The following NR4A1 variants were observed in gnomAD, a reference collection of about 807,000 sequenced individuals.
NR4A1 encodes nuclear receptor subfamily 4 group A member 1, also known as nuclear receptor subfamily 4immunitygroup A member 1.
NR4A1 carries 24 observed loss-of-function variants against 47.5 expected under a neutral mutation model. That is an observed-to-expected ratio of 0.50 (90% CI 0.37 to 0.71). The LOEUF (loss-of-function observed/expected upper bound fraction) is 0.71. NR4A1 is among the 30% of genes least tolerant of loss of function. The probability of loss-of-function intolerance (pLI) is 0.00; values close to 1 mark genes in which losing one functional copy is unlikely to be tolerated. For missense variants in NR4A1, 669 were observed against 788.6 expected (o/e 0.85, Z 1.82); for synonymous variants, 353 against 345.7 (o/e 1.02, Z -0.24).
At position 52,052,499 on chromosome 12, in the gene NR4A1, G is replaced by A. The variant is rs938192157; in HGVS notation, c.-3+931G>A. 8.2e-5 allele frequency: 81 copies of A among 985,344 alleles called. No homozygotes were observed. The African/African-American group carries it at 1.4e-3, about 17-fold the overall frequency. The allele number at this position is 985,344 out of a possible 1,614,324, so 61.0% of individuals were successfully genotyped here. ...TAGTCTCTGTTGGATCTTACAGGTA[G>A]GGTGCAGCCTGAGGCTTGTTCAGCA... is the stretch of plus-strand genomic sequence containing the variant. On this transcript the variant is annotated intron_variant, in intron 1 of 6. Transcript: ENST00000394825.
In NR4A1 at chr12:52,055,012, G is replaced by A. The variant is rs570850379; in HGVS notation, c.684G>A (p.Thr228=). The change falls in exon 2 of 7, where the codon ACG becomes ACA. Residue 228 remains threonine, a synonymous_variant. Transcript: ENST00000394825. ...AGGGAGAGAGCTATTCCATGCCTAC[G>A]GCCTTCCCAGGTTTGGCACCCACTT... ...LGEGESYSMP[T]AFPGLAPTSP... is the part of the protein sequence containing the mutation. 4.3e-6 allele frequency: 7 copies of A among 1,614,186 alleles called. No individual in the cohort carries two copies. The highest frequency in any genetic ancestry group is 1.7e-4 in the Middle Eastern group (1 of 6,060).
In NR4A1 at chr12:52,054,700, G is replaced by A; in HGVS notation, c.372G>A (p.Leu124=). 6.2e-7 allele frequency: 1 copy of A among 1,613,794 alleles called. No individual in the cohort carries two copies. The highest frequency in any genetic ancestry group is 1.6e-4 in the Middle Eastern group (1 of 6,062). Reference sequence around the variant, plus strand: ...TGAGCGGCCCAGTGGATGAGGCCCTGTCCTCCAGTGGCTCTGACTACTATG... The same window carrying A: ...TGAGCGGCCCAGTGGATGAGGCCCTATCCTCCAGTGGCTCTGACTACTATG... The part of the protein sequence containing the change: ...GPLSGPVDEA[L]SSSGSDYYGS... The change falls in exon 2 of 7, where the codon CTG becomes CTA. Residue 124 remains leucine (L), a synonymous_variant. Transcript: ENST00000394825.
chr12:52,059,207 CAT>C lies in NR4A1; in HGVS notation c.*265_*266del, dbSNP rs1231020527. On this transcript the variant is annotated 3_prime_UTR_variant, in exon 7 of 7. Coordinates refer to ENST00000394825, the MANE Select transcript of NR4A1 (RefSeq NM_173157.3). ...TTTGTAAGATAAACCGTTTTTAACACATAGCGCCGTGCTGTAAATAAGCCCAG... is the reference window on the plus strand; with the variant it reads ...TTTGTAAGATAAACCGTTTTTAACACAGCGCCGTGCTGTAAATAAGCCCAG... 2 of 499,090 alleles carry C rather than the reference CAT, an allele frequency of 4.0e-6. No individual in the cohort carries two copies. Among genetic ancestry groups the C allele is most frequent in the Non-Finnish European group, 7.1e-6 (2 of 282,906 alleles). The allele number at this position is 499,090 out of a possible 1,614,324, so 30.9% of individuals were successfully genotyped here. A position where few individuals can be genotyped will look rare whatever the true frequency, so the allele number is the denominator to read the frequency against.
intron 2 of NR4A1, among the ~76,000 whole-genome samples, chr12:52,043,151 C>G (rs1310981515): frequency 6.6e-6 from 1 of 152,136 alleles, no homozygotes; most frequent in Non-Finnish European, 1.5e-5. Flanking sequence ...GCAGCAGGTG[C>G]TGTACCACCA....
At position 52,054,597 on chromosome 12, in the gene NR4A1, C is replaced by T. The variant is rs761942358; in HGVS notation, c.269C>T (p.Ser90Leu). The T allele has an allele frequency of 8.7e-6, 14 of 1,614,066 alleles. No individual in the cohort carries two copies. The highest frequency in any genetic ancestry group is 2.7e-5 in the African/African-American group (2 of 74,926). Residue 90 changes from serine (S) to leucine (L), a missense_variant, in exon 2 of 7, where the codon TCG (serine) becomes TTG (leucine). Physicochemically the swap from Ser to Leu is moderately radical, Grantham distance 145 (BLOSUM62 -2). Transcript: ENST00000394825. ...TCCTCCTCGGCCTCCTCCACATCCT[C>T]GTCCTCAGCCACCTCCCCTGCCTCT... The part of the protein sequence containing the change: ...SASSSASSTS[S>L]SSATSPASAS...
chr12:52,028,764 C>T (rs1339563063), intron 1 of NR4A1, among the ~76,000 whole-genome samples: 2 of 151,640 alleles, frequency 1.3e-5, no homozygotes, highest in South Asian at 2.1e-4. Flanking sequence ...ATTAGCTGGG[C>T]GTGGTGGTGG....
chr12:52,044,587 A>C (rs1417527108), intron 2 of NR4A1, among the ~76,000 whole-genome samples: 1 of 152,242 alleles, frequency 6.6e-6, no homozygotes, highest in Non-Finnish European at 1.5e-5. Flanking sequence ...TGAGTCTCTA[A>C]ACGAATCCAG....
At chr12:52,030,997 C>T (rs1263095507) in intron 1 of NR4A1, among the ~76,000 whole-genome samples, 1 of 152,006 alleles carries the variant, frequency 6.6e-6, no homozygotes, top group Non-Finnish European at 1.5e-5. Flanking sequence ...TTTCCCCTAA[C>T]TCTCCACCGA....
intron 1 of NR4A1, among the ~76,000 whole-genome samples, chr12:52,040,069 A>G (rs1213891688): frequency 6.6e-6 from 1 of 152,176 alleles, no homozygotes; most frequent in Non-Finnish European, 1.5e-5. Flanking sequence ...TGCTCTCTGC[A>G]CAGTGCAGAC....
chr12:52,035,910 T>C (rs998413305), intron 1 of NR4A1, among the ~76,000 whole-genome samples: 2 of 152,092 alleles, frequency 1.3e-5, no homozygotes, highest in African/African-American at 2.4e-5. Flanking sequence ...AGAGATTCTT[T>C]GCTGCGTGGG....
chr12:52,045,535 G>A (rs1019139086), intron 2 of NR4A1: 1 of 452,892 alleles, frequency 2.2e-6, no homozygotes, highest in African/African-American at 2.0e-5. Flanking sequence ...TTTGGATGTG[G>A]AGCCTCTCCT....
Position 52,056,604 on chromosome 12 carries a change from C to G in NR4A1, c.1117C>G (p.Leu373Val), listed in dbSNP as rs1033676108. 2.5e-6 allele frequency: 4 copies of G among 1,612,324 alleles called. No homozygotes were observed. In the South Asian group the frequency reaches 3.3e-5, roughly 13 times the overall value. Residue 373 changes from leucine to valine, a missense_variant, in exon 4 of 7, where the codon CTG becomes GTG. Coordinates refer to ENST00000394825, the MANE Select transcript of NR4A1 (RefSeq NM_173157.3). ...CCTCACTTCCCTGGTCCGTGCACAC[C>G]TGGACTCAGGGCCCAGCACTGCCAA... is the stretch of plus-strand genomic sequence containing the variant. Reference protein sequence around the residue: ...NLLTSLVRAHLDSGPSTAKLD... With the variant: ...NLLTSLVRAHVDSGPSTAKLD...
upstream of NR4A1, among the ~76,000 whole-genome samples, chr12:52,050,916 G>C (rs1938890539): frequency 6.6e-6 from 1 of 152,196 alleles, no homozygotes; most frequent in Non-Finnish European, 1.5e-5. Context: ...GAAGGGCTTG[G>C]GAAGGTGTAA....
upstream of NR4A1, among the ~76,000 whole-genome samples, chr12:52,048,525 C>T (rs901893097): frequency 3.3e-5 from 5 of 152,066 alleles, no homozygotes; most frequent in African/African-American, 4.8e-5. Context: ...ACCCGGGAGG[C>T]GGAGCTTGCA....
upstream of NR4A1, among the ~76,000 whole-genome samples, chr12:52,051,098 C>T (rs917182634): frequency 3.9e-5 from 6 of 152,202 alleles, no homozygotes; most frequent in African/African-American, 7.2e-5. Flanking sequence ...GGGCCCCCAG[C>T]TGGGACCCGA....
intron 2 of NR4A1, chr12:52,045,429 C>T: frequency 2.4e-6 from 1 of 422,614 alleles, no homozygotes; most frequent in Admixed American, 2.5e-5. Flanking sequence ...CTTCCCTGTG[C>T]CCTGGAGGTA....
exon 2 of NR4A1, chr12:52,041,834 G>A: frequency 6.7e-7 from 1 of 1,495,086 alleles, no homozygotes; most frequent in Non-Finnish European, 8.9e-7. Flanking sequence ...CAGAGGCCAG[G>A]CCCTGCCCCT....
intron 1 of NR4A1, among the ~76,000 whole-genome samples, chr12:52,053,077 T>G (rs1341762297): frequency 6.6e-6 from 1 of 152,158 alleles, no homozygotes; most frequent in African/African-American, 2.4e-5. Context: ...TTGATTATGG[T>G]ACTCTGTTCC....
rs918960135 is a variant in NR4A1 at position 52,038,467 on chromosome 12, G to T, written c.-83-3343G>T. On this transcript the variant is annotated intron_variant, in intron 1 of 7. Coordinates refer to the NR4A1 transcript ENST00000360284. ...AGTGAATTGTTAATTTGGTTGTGGGGCTAGTATTAGGGGCACATTGGGAAA... is the reference window on the plus strand; with the variant it reads ...AGTGAATTGTTAATTTGGTTGTGGGTCTAGTATTAGGGGCACATTGGGAAA... 7 of 466,274 alleles carry T rather than the reference G, an allele frequency of 1.5e-5. No homozygotes were observed. In the Admixed American group the frequency reaches 2.2e-4, roughly 14 times the overall value. The allele number at this position is 466,274 out of a possible 1,614,324, so 28.9% of individuals were successfully genotyped here.
Sources: gnomAD v4.1 joint callset for allele counts (sites outside exome capture counted in the v4.1 genomes callset) on GRCh38, gnomAD v4.1.1 for gene constraint, MANE v1.5 for transcripts, NCBI Gene and HGNC (gene_info 2026-07-23, HGNC 2026-07-21) for gene names.